SPDYE5: variants seen among roughly 807,000 people sequenced by gnomAD.
SPDYE5 encodes the protein speedy protein E5.
A neutral mutation model predicts 48.5 loss-of-function variants in SPDYE5; 15 were observed. That is an observed-to-expected ratio of 0.31 (90% CI 0.21 to 0.48). The LOEUF (loss-of-function observed/expected upper bound fraction) is 0.48. Among genes scored for constraint, SPDYE5 ranks in the 20% least tolerant of loss-of-function variants. The pLI, the probability that SPDYE5 is intolerant of heterozygous loss-of-function variation, is 0.99. For synonymous variants in SPDYE5, 116 were observed against 200.7 expected (o/e 0.58, Z 3.57); for missense variants, 331 against 549.1 (o/e 0.60, Z 3.97).
chr7:75,499,603 C>T (rs1402971061), intron 6 of SPDYE5, among the ~76,000 whole-genome samples: 4 of 151,868 alleles, frequency 2.6e-5, no homozygotes, highest in East Asian at 1.9e-4. Context: ...CCCGTCTCTA[C>T]GAAAAATAGA....
rs1554482039 is a variant in SPDYE5, at chr7:75,493,636, T to C, written c.-412T>C. The stretch of plus-strand genomic sequence containing the variant: ...TTCCCTCTCCCACCAGACTGGACTC[T>C]GAAATGGGCATGTACAGAGACAAAG... On this transcript the variant is annotated 5_prime_UTR_variant, in exon 2 of 9. Transcript: ENST00000625065. The C allele has an allele frequency of 7.7e-7, 1 of 1,292,632 alleles. No homozygotes were observed. The highest frequency in any genetic ancestry group is 2.9e-5 in the East Asian group (1 of 34,260). 80.1% of individuals were successfully genotyped at this position (1,292,632 alleles called of 1,614,324 possible). A position where few individuals can be genotyped will look rare whatever the true frequency, so the allele number is the denominator to read the frequency against.
intron 3 of SPDYE5, among the ~76,000 whole-genome samples, 153 bp from the exon 4 acceptor site, chr7:75,496,521 C>T (rs1554482577): frequency 6.8e-6 from 1 of 147,366 alleles, no homozygotes; most frequent in Non-Finnish European, 1.5e-5. Context: ...GCACATGGAG[C>T]TCAGCAGAGG....
At chr7:75,502,663 A>T (rs1300601645) in intron 8 of SPDYE5, among the ~76,000 whole-genome samples, 170 bp from the exon 9 acceptor site, 2 of 151,406 alleles carry the variant, frequency 1.3e-5, no homozygotes, top group African/African-American at 2.5e-5. Context: ...CCAAAGTGTG[A>T]GTTTCACAGT....
Position 75,501,736 on chromosome 7 carries a change from C to T in SPDYE5, c.1130C>T (p.Ser377Phe), listed in dbSNP as rs201900151. ...TCCATGAGCGGCAGGGCTTGGGTTT[C>T]CCCGGAGGAGTTGGAGGAGGTAGGT... Reference protein sequence around the residue: ...FCSMSGRAWVSPEELEEIQAY... With the variant: ...FCSMSGRAWVFPEELEEIQAY... Residue 377 changes from serine (S) to phenylalanine (F), a missense_variant, in exon 7 of 9, where the codon TCC becomes TTC. Coordinates refer to ENST00000625065, the MANE Select transcript of SPDYE5 (RefSeq NM_001306141.4). The T allele has an allele frequency of 2.6e-4, 420 of 1,612,792 alleles. 3 individuals carry two copies. In the Middle Eastern group the frequency reaches 2.7e-3, roughly 10 times the overall value.
chr7:75,492,789 ATTTTTTATCAAAAAAAAT>A (rs1382612227), intron 1 of SPDYE5, among the ~76,000 whole-genome samples: 2 of 148,258 alleles, frequency 1.3e-5, no homozygotes, highest in Non-Finnish European at 2.9e-5. Context: ...TAACTCTTTT[ATTTTTTATCAAAAAAAAT>A]TTTTTTGACA....
intron 5 of SPDYE5, among the ~76,000 whole-genome samples, 186 bp downstream of exon 5, chr7:75,498,182 T>A (rs1793009158): frequency 7.0e-6 from 1 of 143,798 alleles, no homozygotes; most frequent in Admixed American, 7.2e-5. Context: ...TGGAGGGCAG[T>A]GTCTCAATCT....
chr7:75,501,708 T>C lies in SPDYE5; in HGVS notation c.1102T>C (p.Cys368Arg), dbSNP rs1554483585. 4 of 1,612,934 alleles carry C rather than the reference T, an allele frequency of 2.5e-6. No individual in the cohort carries two copies. The highest frequency in any genetic ancestry group is 1.1e-5 in the South Asian group (1 of 91,034). The change falls in exon 7 of 9, where the codon TGT (cysteine) becomes CGT (arginine). Residue 368 changes from cysteine (C) to arginine (R), a missense_variant. Physicochemically the swap from Cys to Arg is radical, Grantham distance 180. Around this residue, in one of 8 missense-constraint regions of SPDYE5, gnomAD observed 101 missense variants for 104.0 expected, o/e 0.97. Transcript: ENST00000625065. ...LFQKRRFQFF[C>R]SMSGRAWVSP... ...CCAGAAACGTCGGTTCCAGTTCTTC[T>C]GTTCCATGAGCGGCAGGGCTTGGGT...
Position 75,497,049 on chromosome 7 carries a change from G to C in SPDYE5, c.610+145G>C, listed in dbSNP as rs1554482704. On this transcript the variant is annotated intron_variant, in intron 4 of 8. Coordinates refer to ENST00000625065, the MANE Select transcript of SPDYE5 (RefSeq NM_001306141.4). ...AGGAATGTGAAGTGATCACTCATGAGGGACACTTAGGAGATGATAAAGGAT... is the reference window on the plus strand; with the variant it reads ...AGGAATGTGAAGTGATCACTCATGACGGACACTTAGGAGATGATAAAGGAT... 8.1e-6 allele frequency: 5 copies of C among 616,868 alleles called. No individual in the cohort carries two copies. The Admixed American group carries it at 1.5e-4, about 18-fold the overall frequency. The allele number at this position is 616,868 out of a possible 1,614,324, so 38.2% of individuals were successfully genotyped here.
Position 75,493,680 on chromosome 7 carries a change from G to A in SPDYE5, c.-368G>A, listed in dbSNP as rs1792818707. Reference sequence around the variant, plus strand: ...GACAAAGAGACCCCAACATGCTTCAGGCTTTGAGTGGAGAGGACACAGCCT... The same window carrying A: ...GACAAAGAGACCCCAACATGCTTCAAGCTTTGAGTGGAGAGGACACAGCCT... On this transcript the variant is annotated 5_prime_UTR_variant, in exon 2 of 9. Coordinates refer to ENST00000625065, the MANE Select transcript of SPDYE5 (RefSeq NM_001306141.4). 7.3e-7 allele frequency: 1 copy of A among 1,360,884 alleles called. No individual in the cohort carries two copies. Among genetic ancestry groups the A allele is most frequent in the South Asian group, 2.1e-5 (1 of 47,498 alleles). The allele number at this position is 1,360,884 out of a possible 1,614,324, so 84.3% of individuals were successfully genotyped here. A position where few individuals can be genotyped will look rare whatever the true frequency, so the allele number is the denominator to read the frequency against.
chr7:75,502,250 G>A (rs1584744216), intron 8 of SPDYE5, among the ~76,000 whole-genome samples: 1 of 140,712 alleles, frequency 7.1e-6, no homozygotes, highest in Middle Eastern at 3.6e-3. Context: ...GCGACAGAGT[G>A]AGACCCTGCC....
At chr7:75,494,893 A>C in intron 2 of SPDYE5, 1 of 1,426,876 alleles carries the variant, frequency 7.0e-7, no homozygotes, top group South Asian at 1.5e-5. Context: ...TGTCAAAACA[A>C]AACAAAACAA....
intron 6 of SPDYE5, among the ~76,000 whole-genome samples, chr7:75,499,675 G>C (rs1363723488): frequency 6.9e-6 from 1 of 145,808 alleles, no homozygotes; most frequent in Non-Finnish European, 1.5e-5. Flanking sequence ...GCTGAGGCAA[G>C]AGAACCCTTT....
In SPDYE5 at chr7:75,495,377, A is replaced by T; in HGVS notation, c.379+3A>T. The T allele has an allele frequency of 6.3e-7, 1 of 1,597,590 alleles. No homozygotes were observed. The highest frequency in any genetic ancestry group is 8.5e-7 in the Non-Finnish European group (1 of 1,179,876). On this transcript the variant is annotated splice_donor_region_variant and intron_variant, in intron 3 of 8. Transcript: ENST00000625065. ...CAAGGGCTTCAACAGTCAGCTTGGT[A>T]GGAGGACACCCCAGAGAGCACCTCC... is the stretch of plus-strand genomic sequence containing the variant.
At chr7:75,496,962 TC>T in intron 4 of SPDYE5, 58 bp downstream of exon 4, 1 of 1,083,400 alleles carries the variant, frequency 9.2e-7, no homozygotes, top group Admixed American at 2.3e-5. Flanking sequence ...ACAGGAAACT[TC>T]CAATAACCAC....
intron 2 of SPDYE5, 21 bp downstream of exon 2, chr7:75,494,228 A>G: frequency 2.0e-6 from 3 of 1,534,518 alleles, no homozygotes; most frequent in South Asian, 2.4e-5. Flanking sequence ...TGGTGGAAGA[A>G]GAGGTGGGAT....
chr7:75,492,807 T>A (rs1217343154), intron 1 of SPDYE5, among the ~76,000 whole-genome samples: 20 of 151,852 alleles, frequency 1.3e-4, no homozygotes, highest in East Asian at 3.9e-4. Flanking sequence ...TCAAAAAAAA[T>A]TTTTTTGACA....
chr7:75,495,931 G>A (rs1315442699), intron 3 of SPDYE5, among the ~76,000 whole-genome samples: 2 of 151,376 alleles, frequency 1.3e-5, no homozygotes, highest in African/African-American at 4.9e-5. Context: ...TCGGGAGGCT[G>A]AGACAGGATA....
rs587733859 is a variant in SPDYE5 at position 75,493,906 on chromosome 7, T to C, written c.-142T>C. 3.2e-5 allele frequency: 47 copies of C among 1,472,646 alleles called. No homozygotes were observed. The African/African-American group carries it at 4.6e-4, about 15-fold the overall frequency. 91.2% of individuals were successfully genotyped at this position (1,472,646 alleles called of 1,614,324 possible). A position where few individuals can be genotyped will look rare whatever the true frequency, so the allele number is the denominator to read the frequency against. ...ACATCAGAGATTCCGACCATCCTGA[T>C]TGGAGGGACCGGACTCCGTGGTGCC... On this transcript the variant is annotated 5_prime_UTR_variant, in exon 2 of 9. Coordinates refer to ENST00000625065, the MANE Select transcript of SPDYE5 (RefSeq NM_001306141.4).
In SPDYE5 at chr7:75,493,897, C is replaced by T. The variant is rs1792826169; in HGVS notation, c.-151C>T. On this transcript the variant is annotated 5_prime_UTR_variant, in exon 2 of 9. Coordinates refer to ENST00000625065, the MANE Select transcript of SPDYE5 (RefSeq NM_001306141.4). ...TGAGCGATGACATCAGAGATTCCGA[C>T]CATCCTGATTGGAGGGACCGGACTC... The T allele has an allele frequency of 6.8e-7, 1 of 1,464,776 alleles. No homozygotes were observed. The highest frequency in any genetic ancestry group is 1.4e-5 in the South Asian group (1 of 72,210). The allele number at this position is 1,464,776 out of a possible 1,614,324, so 90.7% of individuals were successfully genotyped here. A position where few individuals can be genotyped will look rare whatever the true frequency, so the allele number is the denominator to read the frequency against.
Sources: allele counts gnomAD v4.1 joint callset (sites outside exome capture counted in the v4.1 genomes callset), GRCh38; gene constraint gnomAD v4.1.1; regional missense constraint gnomAD v4.1.1; transcripts MANE v1.5; gene names NCBI Gene and HGNC (gene_info 2026-07-23, HGNC 2026-07-21).